Variants in CBFA2T2 observed in about 807,000 individuals in gnomAD.
CBFA2T2 encodes the protein CBFA2/RUNX1 partner transcriptional co-repressor 2, also known as protein CBFA2T2.
Under a neutral mutation model 62.2 loss-of-function variants are expected in CBFA2T2, and 11 were observed. The ratio of observed to expected loss-of-function variants is 0.18; its 90% CI spans 0.11 to 0.29. The LOEUF (loss-of-function observed/expected upper bound fraction) is 0.29. Among genes scored for constraint, CBFA2T2 ranks in the 10% least tolerant of loss-of-function variants. The pLI is 1.00. For synonymous variants in CBFA2T2, 295 were observed against 287.5 expected, an observed-to-expected ratio of 1.03 and a Z score of -0.27; for missense variants, 592 against 774.1, an observed-to-expected ratio of 0.76 and a Z score of 2.79.
intron 1 of CBFA2T2, among the ~76,000 whole-genome samples, chr20:33,594,398 T>TTACTA (rs1437923042): frequency 6.6e-6 from 1 of 152,004 alleles, no homozygotes; most frequent in Non-Finnish European, 1.5e-5. Flanking sequence ...ATTTTTATGT[T>TTACTA]TTTAGTAGAG....
chr20:33,560,923 G>C (rs1568819701), intron 1 of CBFA2T2, among the ~76,000 whole-genome samples: 1 of 152,076 alleles, frequency 6.6e-6, no homozygotes, highest in African/African-American at 2.4e-5. Context: ...CTGTCACCAG[G>C]CTGGAGTGCA....
chr20:33,581,086 CAG>C (rs1317834302), intron 1 of CBFA2T2, among the ~76,000 whole-genome samples: 2 of 150,696 alleles, frequency 1.3e-5, no homozygotes, highest in African/African-American at 2.4e-5. Flanking sequence ...TGTCTTGAGA[CAG>C]AGTTTCACTC....
At chr20:33,546,455 ACT>A (rs1352688720) in intron 1 of CBFA2T2, among the ~76,000 whole-genome samples, 34 of 133,944 alleles carry the variant, frequency 2.5e-4, no homozygotes, top group African/African-American at 8.5e-4. Context: ...TTGGAGACAC[ACT>A]CTCTCTGTCA....
chr20:33,505,929 A>C (rs945922856), intron 1 of CBFA2T2, among the ~76,000 whole-genome samples: 1 of 151,424 alleles, frequency 6.6e-6, no homozygotes, highest in Admixed American at 6.6e-5. Flanking sequence ...TGTCTCTACT[A>C]TAAGTATGAA....
chr20:33,553,801 G>A (rs2012809283), intron 1 of CBFA2T2, among the ~76,000 whole-genome samples: 1 of 151,968 alleles, frequency 6.6e-6, no homozygotes, highest in Admixed American at 6.6e-5. Context: ...CCCCTCTTAG[G>A]GTTTTTTGAA....
At chr20:33,529,901 C>T (rs1255753979) in intron 1 of CBFA2T2, among the ~76,000 whole-genome samples, 2 of 151,246 alleles carry the variant, frequency 1.3e-5, no homozygotes, top group Non-Finnish European at 2.9e-5. Context: ...TCTCCTGCCT[C>T]AGCCTCCCAA....
chr20:33,546,093 T>C (rs2012559444), intron 1 of CBFA2T2, among the ~76,000 whole-genome samples: 1 of 152,374 alleles, frequency 6.6e-6, no homozygotes, highest in African/African-American at 2.4e-5. Flanking sequence ...TGCTGAATTA[T>C]CTGCCTCTTA....
intron 9 of CBFA2T2, among the ~76,000 whole-genome samples, chr20:33,637,188 A>G (rs2016662038): frequency 6.6e-6 from 1 of 152,228 alleles, no homozygotes; most frequent in African/African-American, 2.4e-5. Context: ...TTTTACAAGA[A>G]TAAAGGAGGG....
chr20:33,512,743 T>A (rs2011531755), intron 1 of CBFA2T2, among the ~76,000 whole-genome samples: 1 of 151,700 alleles, frequency 6.6e-6, no homozygotes, highest in Admixed American at 6.6e-5. Context: ...GGTGCACGTA[T>A]GTATGTCTTT....
chr20:33,606,904 T>A (rs1320424249), intron 1 of CBFA2T2, 52 bp from the exon 2 acceptor site: 16 of 1,586,658 alleles, frequency 1.0e-5, no homozygotes, highest in Non-Finnish European at 1.3e-5. Context: ...TTGTTGTCTG[T>A]TTTTGCAAAC....
chr20:33,539,383 T>C (rs2012349146), intron 1 of CBFA2T2, among the ~76,000 whole-genome samples: 3 of 152,226 alleles, frequency 2.0e-5, no homozygotes, highest in South Asian at 2.1e-4. Flanking sequence ...ATTTCTGCAC[T>C]GTTGCTTATG....
intron 1 of CBFA2T2, among the ~76,000 whole-genome samples, chr20:33,523,275 A>T (rs1033009146): frequency 1.3e-5 from 2 of 151,862 alleles, no homozygotes; most frequent in African/African-American, 2.4e-5. Flanking sequence ...TTTATTTTTT[A>T]TTTATTTATT....
intron 1 of CBFA2T2, among the ~76,000 whole-genome samples, chr20:33,605,231 A>T (rs2015294295): frequency 6.6e-6 from 1 of 152,020 alleles, no homozygotes; most frequent in South Asian, 2.1e-4. Flanking sequence ...GATCGTGAAC[A>T]CTCTTGTATG....
intron 1 of CBFA2T2, among the ~76,000 whole-genome samples, chr20:33,495,462 C>T (rs981828092): frequency 6.8e-6 from 1 of 148,044 alleles, no homozygotes; most frequent in Non-Finnish European, 1.5e-5. Context: ...CTGAGGTGGG[C>T]GGATCACGAG....
At chr20:33,565,162 G>A (rs1231361607) in intron 1 of CBFA2T2, among the ~76,000 whole-genome samples, 1 of 151,982 alleles carries the variant, frequency 6.6e-6, no homozygotes. Flanking sequence ...CTCATGATCT[G>A]CCCGCCTTGG....
chr20:33,625,287 G>C (rs868005173), intron 6 of CBFA2T2, among the ~76,000 whole-genome samples: 4 of 152,158 alleles, frequency 2.6e-5, no homozygotes, highest in South Asian at 2.1e-4. Flanking sequence ...ATCACTTGAA[G>C]CCAGTCTGGG....
intron 1 of CBFA2T2, among the ~76,000 whole-genome samples, chr20:33,520,870 A>C (rs574669933): frequency 6.6e-6 from 1 of 151,690 alleles, no homozygotes; most frequent in African/African-American, 2.4e-5. Context: ...GTTTTCGTTT[A>C]TTTGTTCAGG....
chr20:33,527,719 T>C (rs986750659), intron 1 of CBFA2T2, among the ~76,000 whole-genome samples: 2 of 151,934 alleles, frequency 1.3e-5, no homozygotes, highest in African/African-American at 2.4e-5. Context: ...TTTTGTTGTA[T>C]TTTTAGTAGA....
chr20:33,602,356 T>C (rs1601044442), intron 1 of CBFA2T2, among the ~76,000 whole-genome samples: 1 of 150,998 alleles, frequency 6.6e-6, no homozygotes, highest in East Asian at 1.9e-4. Flanking sequence ...TTCCAATTGC[T>C]TGGGAGTAGC....
Sources: allele counts gnomAD v4.1 joint callset (sites outside exome capture counted in the v4.1 genomes callset), GRCh38; gene constraint gnomAD v4.1.1; transcripts MANE v1.5; gene names NCBI Gene and HGNC (gene_info 2026-07-23, HGNC 2026-07-21).